Variants in TMEM182 observed in about 807,000 individuals in gnomAD.
TMEM182 encodes transmembrane protein 182.
Under a neutral mutation model 26.8 loss-of-function variants are expected in TMEM182, and 20 were observed. The observed-to-expected ratio is 0.75, with a 90% confidence interval of 0.53 to 1.09. The LOEUF (loss-of-function observed/expected upper bound fraction) is 1.09, where lower values mean the gene tolerates loss of function less well. Ranked by LOEUF, TMEM182 falls within the 50% of genes least tolerant of loss-of-function variation. TMEM182 has a pLI of 0.00. For synonymous variants in TMEM182, 109 were observed against 102.2 expected (o/e 1.07, Z -0.40); for missense variants, 277 against 275.5 (o/e 1.01, Z -0.04).
upstream of TMEM182, among the ~76,000 whole-genome samples, chr2:102,758,197 C>G (rs911096583): frequency 2.0e-5 from 3 of 151,982 alleles, no homozygotes; most frequent in Non-Finnish European, 2.9e-5. Flanking sequence ...CCAGCCCTTT[C>G]TATTGAAAGG....
intron 1 of TMEM182, among the ~76,000 whole-genome samples, chr2:102,745,784 C>T (rs1679676972): frequency 6.6e-6 from 1 of 152,230 alleles, no homozygotes; most frequent in African/African-American, 2.4e-5. Flanking sequence ...AGGGTTCATC[C>T]AGGTTGTAGC....
At chr2:102,819,727 A>G (rs1682869822), downstream of TMEM182, among the ~76,000 whole-genome samples, 1 of 152,248 alleles carries the variant, frequency 6.6e-6, no homozygotes, top group African/African-American at 2.4e-5. Flanking sequence ...TTATATGTGC[A>G]TATACACATA....
intron 4 of TMEM182, among the ~76,000 whole-genome samples, chr2:102,812,496 A>T (rs535021942): frequency 6.6e-6 from 1 of 152,294 alleles, no homozygotes; most frequent in Non-Finnish European, 1.5e-5. Context: ...ATCTTCAATT[A>T]GTGAACAAGT....
At chr2:102,737,424 CAT>C (rs1366588033) in intron 1 of TMEM182, among the ~76,000 whole-genome samples, 1 of 152,044 alleles carries the variant, frequency 6.6e-6, no homozygotes, top group Non-Finnish European at 1.5e-5. Flanking sequence ...AGTAAATAAA[CAT>C]AAATAAAAAT....
intron 4 of TMEM182, among the ~76,000 whole-genome samples, chr2:102,805,793 C>T (rs1682322114): frequency 6.6e-6 from 1 of 152,098 alleles, no homozygotes; most frequent in African/African-American, 2.4e-5. Flanking sequence ...CCTGCAGTCC[C>T]AGCTACTCGG....
At position 102,816,773 on chromosome 2, in the gene TMEM182, A is replaced by G; in HGVS notation, c.*1805A>G. 3 of 985,784 alleles carry G rather than the reference A, an allele frequency of 3.0e-6. No homozygotes were observed. Among genetic ancestry groups the G allele is most frequent in the Non-Finnish European group, 3.6e-6 (3 of 829,922 alleles). The allele number at this position is 985,784 out of a possible 1,614,324, so 61.1% of individuals were successfully genotyped here. ...AAGTTTTCCAGACGATGTTGGATGT[A>G]TCTGATTAGTTCATGTCATCTGTAA... On this transcript the variant is annotated 3_prime_UTR_variant, in exon 5 of 5. Coordinates refer to ENST00000412401, the MANE Select transcript of TMEM182 (RefSeq NM_144632.5).
intron 3 of TMEM182, among the ~76,000 whole-genome samples, chr2:102,777,063 GT>G (rs1339086237): frequency 7.5e-6 from 1 of 133,958 alleles, no homozygotes; most frequent in Non-Finnish European, 1.7e-5. Context: ...TTGGATACAT[GT>G]TTTTAAAAAA....
In TMEM182 at chr2:102,798,016, T is replaced by C. The variant is rs57977938; in HGVS notation, c.469+16T>C. ...ATTGCTGCAGGTACGTACGGTGCAATGGGTATGACTTTCAGCCACGGTTTT... is the reference window on the plus strand; with the variant it reads ...ATTGCTGCAGGTACGTACGGTGCAACGGGTATGACTTTCAGCCACGGTTTT... On this transcript the variant is annotated intron_variant, in intron 4 of 4. Coordinates refer to ENST00000412401, the MANE Select transcript of TMEM182 (RefSeq NM_144632.5). The C allele has an allele frequency of 3.1e-3, 4,990 of 1,586,702 alleles. 108 individuals are homozygous for C. The African/African-American group carries it at 0.053, about 17-fold the overall frequency.
chr2:102,821,182 C>T (rs1156962018), downstream of TMEM182, among the ~76,000 whole-genome samples: 1 of 152,142 alleles, frequency 6.6e-6, no homozygotes, highest in Non-Finnish European at 1.5e-5. Flanking sequence ...TAATGTGTAG[C>T]CTGCATTATG....
At chr2:102,809,881 T>C (rs1464331792) in intron 4 of TMEM182, among the ~76,000 whole-genome samples, 1 of 152,224 alleles carries the variant, frequency 6.6e-6, no homozygotes, top group African/African-American at 2.4e-5. Context: ...TCATAATGAG[T>C]GTTTTGACTG....
chr2:102,825,537 C>T (rs1234621343), intron 3 of TMEM182, among the ~76,000 whole-genome samples: 1 of 152,176 alleles, frequency 6.6e-6, no homozygotes, highest in African/African-American at 2.4e-5. Flanking sequence ...AGTCTTTGGC[C>T]TTAGAAACCC....
chr2:102,756,229 T>C (rs1269787986), intron 1 of TMEM182, among the ~76,000 whole-genome samples: 1 of 152,238 alleles, frequency 6.6e-6, no homozygotes, highest in African/African-American at 2.4e-5. Flanking sequence ...AGTTTTATTT[T>C]ATTGTGTTTT....
chr2:102,830,128 C>T (rs1683122939), intron 3 of TMEM182, among the ~76,000 whole-genome samples: 1 of 152,196 alleles, frequency 6.6e-6, no homozygotes, highest in Non-Finnish European at 1.5e-5. Flanking sequence ...CATTGGCCTG[C>T]CATTCCTTGT....
In TMEM182 at chr2:102,814,929, A is replaced by C. The variant is rs762045856; in HGVS notation, c.651A>C (p.Leu217=). 9.9e-6 allele frequency: 16 copies of C among 1,613,730 alleles called. No individual in the cohort carries two copies. Among genetic ancestry groups the C allele is most frequent in the Non-Finnish European group, 1.3e-5 (15 of 1,179,956 alleles). Reference sequence around the variant, plus strand: ...TTTTTTCTTTGCTAGCTGGATTACTATTTCTGGTTGTTGGATGGCATATTC... The same window carrying C: ...TTTTTTCTTTGCTAGCTGGATTACTCTTTCTGGTTGTTGGATGGCATATTC... The part of the protein sequence containing the change: ...GIFFSLLAGL[L]FLVVGWHIQI... The change falls in exon 5 of 5, where the codon CTA becomes CTC. Residue 217 remains leucine (L), a synonymous_variant. Coordinates refer to ENST00000412401, the MANE Select transcript of TMEM182 (RefSeq NM_144632.5).
chr2:102,837,115 C>A (rs777844338), intron 3 of TMEM182, among the ~76,000 whole-genome samples: 133 of 152,178 alleles, frequency 8.7e-4, no homozygotes, highest in Non-Finnish European at 1.5e-3. Flanking sequence ...ACTCCCAGTT[C>A]TCTGATACCC....
intron 3 of TMEM182, among the ~76,000 whole-genome samples, chr2:102,776,030 AG>A (rs1035337963): frequency 6.6e-6 from 1 of 152,218 alleles, no homozygotes; most frequent in African/African-American, 2.4e-5. Context: ...TTTTAAAAAA[AG>A]AATAAGACTT....
intron 3 of TMEM182, among the ~76,000 whole-genome samples, chr2:102,791,061 G>A (rs1255882152): frequency 2.0e-5 from 3 of 151,892 alleles, no homozygotes; most frequent in Admixed American, 6.6e-5. Context: ...TCAGCCTCCC[G>A]AGTAGCTGGG....
intron 3 of TMEM182, among the ~76,000 whole-genome samples, chr2:102,776,151 C>T (rs541499026): frequency 3.6e-4 from 55 of 152,194 alleles, no homozygotes; most frequent in East Asian, 1.2e-3. Flanking sequence ...TATCTTGGTA[C>T]GTTTGTTACA....
intron 3 of TMEM182, among the ~76,000 whole-genome samples, chr2:102,766,183 A>G (rs137937938): frequency 8.4e-4 from 128 of 152,324 alleles, no homozygotes; most frequent in African/African-American, 2.9e-3. Context: ...CCCATATTTG[A>G]AAAGCCTGCA....
Sources: allele counts gnomAD v4.1 joint callset (sites outside exome capture counted in the v4.1 genomes callset), GRCh38; gene constraint gnomAD v4.1.1; transcripts MANE v1.5; gene names NCBI Gene and HGNC (gene_info 2026-07-23, HGNC 2026-07-21).